Variants in LHFPL3 observed in about 807,000 individuals in gnomAD.
LHFPL3 encodes LHFPL tetraspan subfamily member 3 protein.
LHFPL3 carries 5 observed loss-of-function variants against 19.3 expected under a neutral mutation model. That is an observed-to-expected ratio of 0.26 (90% CI 0.14 to 0.54). The LOEUF (loss-of-function observed/expected upper bound fraction) is 0.54, where lower values mean the gene tolerates loss of function less well. LHFPL3 is among the 20% of genes least tolerant of loss of function. LHFPL3 has a pLI of 0.94. For synonymous variants in LHFPL3, 133 were observed against 126.2 expected, an observed-to-expected ratio of 1.05 and a Z score of -0.36; for missense variants, 249 against 307.4, an observed-to-expected ratio of 0.81 and a Z score of 1.42.
chr7:104,554,679 A>ATAGATAGATAGATAGT (rs1794728237), intron 1 of LHFPL3, among the ~76,000 whole-genome samples: 2 of 149,942 alleles, frequency 1.3e-5, no homozygotes, highest in Non-Finnish European at 2.9e-5. Context: ...AGATAGATAG[A>ATAGATAGATAGATAGT]TAGATAGATA....
At chr7:104,487,512 A>G (rs1793260413) in intron 1 of LHFPL3, among the ~76,000 whole-genome samples, 1 of 152,204 alleles carries the variant, frequency 6.6e-6, no homozygotes, top group African/African-American at 2.4e-5. Flanking sequence ...CATGCCAGTT[A>G]ACCTAACGTG....
intron 1 of LHFPL3, among the ~76,000 whole-genome samples, chr7:104,432,406 A>G (rs1288529732): frequency 1.3e-5 from 2 of 152,272 alleles, no homozygotes; most frequent in South Asian, 4.1e-4. Flanking sequence ...TGACTTCCCC[A>G]TAGCACATTT....
Position 104,670,914 on chromosome 7 carries a change from G to A in LHFPL3, c.446-65761G>A, listed in dbSNP as rs17837489. On this transcript the variant is annotated intron_variant, in intron 1 of 2. Coordinates refer to ENST00000424859, the MANE Select transcript of LHFPL3 (RefSeq NM_199000.3). ...TTGAGAGAATAAACGGAAATGGAGA[G>A]AACTATTTAACAAGGTCCTGGTTTC... Among the ~76,000 whole-genome samples the A allele has an allele frequency of 4.2e-3, 633 of 151,492 alleles. 16 individuals are homozygous for A. The highest frequency in any genetic ancestry group is 0.03 in the East Asian group (155 of 5,160).
chr7:104,747,093 A>G (rs1794061022), intron 2 of LHFPL3, among the ~76,000 whole-genome samples: 1 of 152,204 alleles, frequency 6.6e-6, no homozygotes, highest in African/African-American at 2.4e-5. Flanking sequence ...ATCTCCCCAC[A>G]TACACCTGTA....
At chr7:104,796,032 A>G (rs778023799) in intron 2 of LHFPL3, among the ~76,000 whole-genome samples, 11 of 152,202 alleles carry the variant, frequency 7.2e-5, no homozygotes, top group Non-Finnish European at 1.6e-4. Context: ...TGCTGTAACA[A>G]GTGCTGTAGA....
chr7:104,552,879 G>A (rs1562932289), intron 1 of LHFPL3, among the ~76,000 whole-genome samples: 1 of 152,144 alleles, frequency 6.6e-6, no homozygotes, highest in Non-Finnish European at 1.5e-5. Flanking sequence ...GCTCATGGGT[G>A]CAGACCCTAG....
intron 1 of LHFPL3, among the ~76,000 whole-genome samples, chr7:104,688,813 C>T (rs1792852430): frequency 6.6e-6 from 1 of 152,144 alleles, no homozygotes; most frequent in South Asian, 2.1e-4. Context: ...TCCAAAAGAA[C>T]TGCTTGAGTT....
intron 2 of LHFPL3, among the ~76,000 whole-genome samples, chr7:104,771,717 C>A (rs1203285914): frequency 6.6e-6 from 1 of 151,370 alleles, no homozygotes; most frequent in Non-Finnish European, 1.5e-5. Flanking sequence ...GTTTACTACC[C>A]TCTCCAGTGA....
chr7:104,520,009 A>G (rs1794017475), intron 1 of LHFPL3, among the ~76,000 whole-genome samples: 1 of 151,998 alleles, frequency 6.6e-6, no homozygotes, highest in South Asian at 2.1e-4. Context: ...GAGAAAGGGC[A>G]TCCCTGTCTT....
At chr7:104,690,610 A>C (rs1792888844) in intron 1 of LHFPL3, among the ~76,000 whole-genome samples, 1 of 152,186 alleles carries the variant, frequency 6.6e-6, no homozygotes, top group African/African-American at 2.4e-5. Flanking sequence ...GGGATCTTCT[A>C]CCTCATTGAA....
chr7:104,759,671 C>T (rs1208516872), intron 2 of LHFPL3: 1 of 152,132 alleles, frequency 6.6e-6, no homozygotes, highest in Non-Finnish European at 1.5e-5. Context: ...TGAAAACCCT[C>T]TTAATTTTCC....
chr7:104,756,149 C>T lies in LHFPL3; in HGVS notation c.682+19238C>T, dbSNP rs148700639. Among the ~76,000 whole-genome samples the T allele has an allele frequency of 1.2e-4, 18 of 152,134 alleles. No homozygotes were observed. The East Asian group carries it at 1.7e-3, about 15-fold the overall frequency. On this transcript the variant is annotated intron_variant, in intron 2 of 2. Coordinates refer to ENST00000424859, the MANE Select transcript of LHFPL3 (RefSeq NM_199000.3). ...GTTTGGGGACATTGAAAAACACATG[C>T]GTGCACACACTCACACTCCACACAC... is the stretch of plus-strand genomic sequence containing the variant.
chr7:104,729,602 A>G (rs1793654781), intron 1 of LHFPL3, among the ~76,000 whole-genome samples: 1 of 152,120 alleles, frequency 6.6e-6, no homozygotes. Context: ...AAGTCTACGT[A>G]TAAGTGAGGT....
chr7:104,887,806 G>A (rs1792175814), intron 2 of LHFPL3, among the ~76,000 whole-genome samples: 2 of 152,180 alleles, frequency 1.3e-5, no homozygotes, highest in Non-Finnish European at 2.9e-5. Flanking sequence ...GAAGAATGCT[G>A]GAAAGAGTTC....
chr7:104,898,914 C>T lies in LHFPL3; in HGVS notation c.683-7273C>T, dbSNP rs114410092. Reference sequence around the variant, plus strand: ...GGCGGATCGCTTGAGCCCAGGAGTTCGAGACCAGCCTTGACAACAAAACTC... The same window carrying T: ...GGCGGATCGCTTGAGCCCAGGAGTTTGAGACCAGCCTTGACAACAAAACTC... On this transcript the variant is annotated intron_variant, in intron 2 of 2. Coordinates refer to ENST00000424859, the MANE Select transcript of LHFPL3 (RefSeq NM_199000.3). Among the ~76,000 whole-genome samples the T allele has an allele frequency of 9.4e-3, 1,424 of 151,992 alleles. 16 individuals carry two copies. The highest frequency in any genetic ancestry group is 0.032 in the African/African-American group (1,326 of 41,438).
chr7:104,543,753 T>C lies in LHFPL3; in HGVS notation c.446-192922T>C, dbSNP rs1794530445. Reference sequence around the variant, plus strand: ...ACACAGGAAGGGGAACATCACACTCTGGGGTCTGTTGTGGGGTGGGGGGAG... The same window carrying C: ...ACACAGGAAGGGGAACATCACACTCCGGGGTCTGTTGTGGGGTGGGGGGAG... On this transcript the variant is annotated intron_variant, in intron 1 of 2. Transcript: ENST00000424859. Among the ~76,000 whole-genome samples the C allele has an allele frequency of 1.9e-4, 17 of 87,226 alleles. No homozygotes were observed. The South Asian group carries it at 8.6e-3, about 44-fold the overall frequency. The allele number at this position is 87,226 out of a possible 152,430, so 57.2% of individuals were successfully genotyped here.
chr7:104,667,070 A>G (rs1046463860), intron 1 of LHFPL3, among the ~76,000 whole-genome samples: 1 of 152,090 alleles, frequency 6.6e-6, no homozygotes, highest in African/African-American at 2.4e-5. Flanking sequence ...AAATCTCCAT[A>G]TGGTTTTCCA....
At chr7:104,777,163 G>A (rs1794648787) in intron 2 of LHFPL3, among the ~76,000 whole-genome samples, 1 of 152,188 alleles carries the variant, frequency 6.6e-6, no homozygotes, top group Non-Finnish European at 1.5e-5. Context: ...GGCCTTGGGA[G>A]AAAGAAGTCA....
intron 2 of LHFPL3, among the ~76,000 whole-genome samples, chr7:104,905,318 A>G (rs1792576092): frequency 6.6e-6 from 1 of 152,150 alleles, no homozygotes; most frequent in Non-Finnish European, 1.5e-5. Context: ...ATAATAATAA[A>G]TCAGAAACCT....
Sources: gnomAD v4.1 joint callset for allele counts (sites outside exome capture counted in the v4.1 genomes callset) on GRCh38, gnomAD v4.1.1 for gene constraint, MANE v1.5 for transcripts, NCBI Gene and HGNC (gene_info 2026-07-23, HGNC 2026-07-21) for gene names.